Variants in DGKB observed in about 807,000 individuals in gnomAD.
DGKB encodes 90 kDa diacylglycerol kinase.
DGKB carries 67 observed loss-of-function variants against 114.3 expected under a neutral mutation model. The ratio of observed to expected loss-of-function variants is 0.59; its 90% CI spans 0.48 to 0.72. The LOEUF (loss-of-function observed/expected upper bound fraction) is 0.72, where lower values mean the gene tolerates loss of function less well. Among genes scored for constraint, DGKB ranks in the 30% least tolerant of loss-of-function variants. The pLI, the probability that DGKB is intolerant of heterozygous loss-of-function variation, is 0.00. For missense variants in DGKB, 907 were observed against 975.2 expected, an observed-to-expected ratio of 0.93 and a Z score of 0.93; for synonymous variants, 398 against 323.1, an observed-to-expected ratio of 1.23 and a Z score of -2.49.
At chr7:14,188,735 A>G (rs1165960265) in intron 23 of DGKB, among the ~76,000 whole-genome samples, 2 of 151,832 alleles carry the variant, frequency 1.3e-5, no homozygotes, top group African/African-American at 2.4e-5. Flanking sequence ...GCATATTATA[A>G]TCAAACCGTC....
At chr7:14,774,105 A>G (rs994239725) in intron 2 of DGKB, among the ~76,000 whole-genome samples, 22 of 152,242 alleles carry the variant, frequency 1.4e-4, no homozygotes, top group African/African-American at 5.3e-4. Flanking sequence ...GAGTGCAAGG[A>G]CAAGTTAAAA....
chr7:14,740,314 T>G (rs1442066699), intron 4 of DGKB, among the ~76,000 whole-genome samples: 3 of 151,672 alleles, frequency 2.0e-5, no homozygotes, highest in Non-Finnish European at 4.4e-5. Context: ...TGCTATTACC[T>G]AGATTGGCAG....
intron 23 of DGKB, among the ~76,000 whole-genome samples, chr7:14,198,030 A>G (rs1785272429): frequency 6.6e-6 from 1 of 152,046 alleles, no homozygotes; most frequent in Non-Finnish European, 1.5e-5. Flanking sequence ...TGAGTTATTC[A>G]GTGATGTTTC....
intron 23 of DGKB, among the ~76,000 whole-genome samples, chr7:14,260,318 T>G (rs1198254338): frequency 6.6e-6 from 1 of 152,194 alleles, no homozygotes; most frequent in African/African-American, 2.4e-5. Flanking sequence ...ATAAGCAGCA[T>G]TATGATTATG....
At chr7:14,639,775 C>G (rs1344028891) in intron 13 of DGKB, among the ~76,000 whole-genome samples, 4 of 151,984 alleles carry the variant, frequency 2.6e-5, no homozygotes, top group Non-Finnish European at 5.9e-5. Context: ...TTGTTTTTTT[C>G]TAAAGAACTT....
intron 7 of DGKB, among the ~76,000 whole-genome samples, chr7:14,700,266 T>G (rs1364949186): frequency 2.0e-5 from 3 of 149,530 alleles, no homozygotes; most frequent in Non-Finnish European, 3.0e-5. Context: ...CAGGCTGGAG[T>G]GCAGTGGCAC....
intron 23 of DGKB, among the ~76,000 whole-genome samples, chr7:14,301,174 T>G (rs76219567): frequency 6.6e-6 from 1 of 152,124 alleles, no homozygotes; most frequent in African/African-American, 2.4e-5. Context: ...CATCATCTTA[T>G]AAATATATTT....
intron 19 of DGKB, among the ~76,000 whole-genome samples, chr7:14,577,416 G>A (rs1799298209): frequency 6.6e-6 from 1 of 152,166 alleles, no homozygotes; most frequent in Non-Finnish European, 1.5e-5. Context: ...AGGAGATCAA[G>A]ACCATTCTGG....
At chr7:14,524,649 G>C (rs1025936520) in intron 20 of DGKB, among the ~76,000 whole-genome samples, 1 of 151,694 alleles carries the variant, frequency 6.6e-6, no homozygotes, top group Admixed American at 6.6e-5. Context: ...CCAGCCATTC[G>C]GGAGGCTGAG....
intron 21 of DGKB, among the ~76,000 whole-genome samples, chr7:14,410,265 T>A (rs1274114037): frequency 6.6e-6 from 1 of 151,694 alleles, no homozygotes; most frequent in Non-Finnish European, 1.5e-5. Flanking sequence ...CTTTTTATAA[T>A]CTTCCTTCAG....
chr7:14,912,814 T>C (rs1784061217), intron 1 of DGKB, among the ~76,000 whole-genome samples: 2 of 152,236 alleles, frequency 1.3e-5, no homozygotes, highest in South Asian at 4.1e-4. Context: ...CATATGAGTG[T>C]CCCATACGTC....
intron 2 of DGKB, among the ~76,000 whole-genome samples, chr7:14,767,683 T>G (rs1458190086): frequency 6.6e-6 from 1 of 151,986 alleles, no homozygotes; most frequent in East Asian, 1.9e-4. Context: ...AATTGTATAT[T>G]TTTTTGTGTT....
intron 23 of DGKB, 81 bp from the exon 24 acceptor site, chr7:14,178,232 TAA>T: frequency 7.0e-7 from 1 of 1,420,452 alleles, no homozygotes. Context: ...TTATGGAGAT[TAA>T]AAAAAATAAC....
intron 2 of DGKB, among the ~76,000 whole-genome samples, chr7:14,765,521 T>C (rs1836320786): frequency 6.6e-6 from 1 of 151,994 alleles, no homozygotes; most frequent in African/African-American, 2.4e-5. Flanking sequence ...TTCTTGTATT[T>C]GCTGGTAATT....
chr7:14,915,674 G>C (rs899037707), intron 1 of DGKB, among the ~76,000 whole-genome samples: 5 of 151,970 alleles, frequency 3.3e-5, no homozygotes, highest in Non-Finnish European at 7.4e-5. Context: ...TATTTAAAGT[G>C]TGGAAAGAAA....
chr7:14,186,781 C>T (rs1462266759), intron 23 of DGKB, among the ~76,000 whole-genome samples: 5 of 152,150 alleles, frequency 3.3e-5, no homozygotes, highest in South Asian at 2.1e-4. Flanking sequence ...GAAAACCAAA[C>T]GTCGTATGTT....
chr7:14,842,639 CCTAA>C (rs962598459), intron 1 of DGKB, among the ~76,000 whole-genome samples: 22 of 152,202 alleles, frequency 1.4e-4, no homozygotes, highest in African/African-American at 5.3e-4. Context: ...CTAATTTCAT[CCTAA>C]CTGTCTGTCT....
At chr7:14,703,869 T>A (rs1460384533) in intron 6 of DGKB, among the ~76,000 whole-genome samples, 2 of 152,204 alleles carry the variant, frequency 1.3e-5, no homozygotes, top group Non-Finnish European at 2.9e-5. Flanking sequence ...CGTTTCTATG[T>A]CTTTCCCAAG....
intron 12 of DGKB, among the ~76,000 whole-genome samples, chr7:14,674,672 T>C (rs1819554237): frequency 6.6e-6 from 1 of 152,042 alleles, no homozygotes; most frequent in African/African-American, 2.4e-5. Flanking sequence ...ACTGGTGTCC[T>C]TATAAGAAGA....
Sources: allele counts gnomAD v4.1 joint callset (sites outside exome capture counted in the v4.1 genomes callset), GRCh38; gene constraint gnomAD v4.1.1; transcripts MANE v1.5; gene names NCBI Gene and HGNC (gene_info 2026-07-23, HGNC 2026-07-21).